The following DSCAM variants were observed in gnomAD, a reference collection of about 807,000 sequenced individuals.
DSCAM encodes DS cell adhesion molecule.
A neutral mutation model predicts 217.7 loss-of-function variants in DSCAM; 47 were observed. The ratio of observed to expected loss-of-function variants is 0.22; its 90% CI spans 0.17 to 0.28. The LOEUF (loss-of-function observed/expected upper bound fraction) is 0.28. Among genes scored for constraint, DSCAM ranks in the 10% least tolerant of loss-of-function variants. The probability of loss-of-function intolerance (pLI) is 1.00; values close to 1 mark genes in which losing one functional copy is unlikely to be tolerated. For missense variants in DSCAM, 2,080 were observed against 2,618.3 expected, an observed-to-expected ratio of 0.79 and a Z score of 4.49; for synonymous variants, 1,056 against 1,015.3, an observed-to-expected ratio of 1.04 and a Z score of -0.76.
chr21:40,365,155 T>C lies in DSCAM; in HGVS notation c.655+3944A>G, dbSNP rs1267987464. 2.8e-4 allele frequency among the ~76,000 whole-genome samples: 42 copies of C among 152,106 alleles called. 1 individual carries two copies. Among genetic ancestry groups the C allele is most frequent in the Non-Finnish European group, 1.5e-5 (1 of 67,994 alleles). On this transcript the variant is annotated intron_variant, in intron 4 of 32. Transcript: ENST00000400454. Reference sequence around the variant, plus strand: ...GGATGCAAAGTATTGTTCCTGGGTGTGTCTGTGAGGGTGTCACCAAAGGAG... The same window carrying C: ...GGATGCAAAGTATTGTTCCTGGGTGCGTCTGTGAGGGTGTCACCAAAGGAG...
chr21:40,789,155 A>C (rs2091617734), intron 1 of DSCAM, among the ~76,000 whole-genome samples: 1 of 152,144 alleles, frequency 6.6e-6, no homozygotes, highest in African/African-American at 2.4e-5. Context: ...AAGGGTGCCG[A>C]TAGAGCAGAG....
intron 3 of DSCAM, among the ~76,000 whole-genome samples, chr21:40,591,087 G>C (rs907338034): frequency 2.1e-5 from 3 of 144,308 alleles, no homozygotes; most frequent in Non-Finnish European, 4.6e-5. Context: ...TAGTGAAGGA[G>C]TTCTCACGAG....
intron 3 of DSCAM, among the ~76,000 whole-genome samples, chr21:40,653,998 GGGA>G (rs2090045252): frequency 6.6e-6 from 1 of 151,946 alleles, no homozygotes; most frequent in South Asian, 2.1e-4. Flanking sequence ...GGGAGGCTAA[GGGA>G]GGAGAATTGC....
intron 1 of DSCAM, among the ~76,000 whole-genome samples, chr21:40,715,148 G>A (rs1223948192): frequency 6.6e-6 from 1 of 152,186 alleles, no homozygotes; most frequent in African/African-American, 2.4e-5. Flanking sequence ...TGTTTTAGTA[G>A]CAGAAAATGA....
At chr21:40,300,787 A>C (rs887784592) in intron 9 of DSCAM, among the ~76,000 whole-genome samples, 1 of 152,146 alleles carries the variant, frequency 6.6e-6, no homozygotes. Flanking sequence ...CACATTGCTA[A>C]ACCTTGTCTC....
intron 14 of DSCAM, among the ~76,000 whole-genome samples, chr21:40,182,326 T>C (rs976502317): frequency 6.6e-6 from 1 of 151,960 alleles, no homozygotes; most frequent in Non-Finnish European, 1.5e-5. Flanking sequence ...CAGGGTGAAC[T>C]AGGGGTGGGA....
intron 1 of DSCAM, among the ~76,000 whole-genome samples, chr21:40,767,891 T>C (rs2091408443): frequency 6.6e-6 from 1 of 151,712 alleles, no homozygotes; most frequent in Non-Finnish European, 1.5e-5. Flanking sequence ...TCTCTCTTTC[T>C]CTCTCTCCCT....
chr21:40,736,591 G>GC (rs1272969121), intron 1 of DSCAM, among the ~76,000 whole-genome samples: 3 of 152,204 alleles, frequency 2.0e-5, no homozygotes, highest in Admixed American at 6.5e-5. Context: ...TTGGTGTGCA[G>GC]CCCCCCATCC....
chr21:40,055,207 C>T (rs2088994730), intron 29 of DSCAM, among the ~76,000 whole-genome samples: 1 of 152,112 alleles, frequency 6.6e-6, no homozygotes, highest in South Asian at 2.1e-4. Flanking sequence ...GGGGAAACAG[C>T]TGCAGGATGT....
intron 15 of DSCAM, among the ~76,000 whole-genome samples, chr21:40,168,990 T>C (rs1042190048): frequency 6.6e-6 from 1 of 152,280 alleles, no homozygotes; most frequent in Non-Finnish European, 1.5e-5. Context: ...GAAATCATAA[T>C]CATAATATAA....
chr21:40,650,956 G>A (rs904962789), intron 3 of DSCAM, among the ~76,000 whole-genome samples: 3 of 152,178 alleles, frequency 2.0e-5, no homozygotes, highest in African/African-American at 7.2e-5. Flanking sequence ...TGGAGAGTGG[G>A]TCAGGCAGGA....
intron 18 of DSCAM, among the ~76,000 whole-genome samples, chr21:40,137,643 ACATT>A: frequency 1.4e-5 from 1 of 69,970 alleles, no homozygotes; most frequent in African/African-American, 6.0e-5. Context: ...ACACACACAC[ACATT>A]AACTGAAGTG....
Position 40,323,311 on chromosome 21 carries a change from C to T in DSCAM, c.1784-10952G>A, listed in dbSNP as rs566860324. On this transcript the variant is annotated intron_variant, in intron 8 of 32. Coordinates refer to ENST00000400454, the MANE Select transcript of DSCAM (RefSeq NM_001389.5). ...CAACCACAATGGTTTGTTTCATCTA[C>T]AGCAAAAATGCATGCACCATTAATA... is the stretch of plus-strand genomic sequence containing the variant. 3.9e-5 allele frequency among the ~76,000 whole-genome samples: 6 copies of T among 152,270 alleles called. No homozygotes were observed. In the East Asian group the frequency reaches 1.2e-3, roughly 29 times the overall value.
chr21:40,308,811 T>G (rs1333958127), intron 9 of DSCAM, among the ~76,000 whole-genome samples: 2 of 152,216 alleles, frequency 1.3e-5, no homozygotes, highest in African/African-American at 4.8e-5. Context: ...TACTCTGTGA[T>G]GGTCCTATTA....
In DSCAM at chr21:40,338,361, C is replaced by T. The variant is rs779784450; in HGVS notation, c.1523G>A (p.Arg508Gln). The T allele has an allele frequency of 1.9e-6, 3 of 1,613,012 alleles. No homozygotes were observed. Among genetic ancestry groups the T allele is most frequent in the East Asian group, 2.2e-5 (1 of 44,838 alleles). ...RINVRGPASI[R>Q]PMKNITAIAG... ...TATTGCTGTGATGTTTTTCATTGGT[C>T]GAATGCTTGCAGGCCCTGGAGAGAC... is the stretch of plus-strand genomic sequence containing the variant. The change falls in exon 8 of 33, where the codon CGA becomes CAA. Residue 508 changes from arginine to glutamine, a missense_variant. Around this residue, in one of 5 missense-constraint regions of DSCAM, gnomAD observed 568 missense variants for 678.1 expected, o/e 0.84. Transcript: ENST00000400454.
chr21:40,079,796 T>C (rs949783048), intron 25 of DSCAM, among the ~76,000 whole-genome samples: 5 of 127,458 alleles, frequency 3.9e-5, no homozygotes, highest in African/African-American at 1.3e-4. Context: ...GTGGAAATGA[T>C]AGGAAGGTGG....
intron 2 of DSCAM, among the ~76,000 whole-genome samples, chr21:40,702,284 T>C (rs1160225584): frequency 6.6e-6 from 1 of 152,048 alleles, no homozygotes; most frequent in Non-Finnish European, 1.5e-5. Flanking sequence ...CAACATAGAG[T>C]GAAATTTAAT....
chr21:40,509,403 G>A (rs1409753321), intron 3 of DSCAM, among the ~76,000 whole-genome samples: 1 of 152,156 alleles, frequency 6.6e-6, no homozygotes, highest in Non-Finnish European at 1.5e-5. Flanking sequence ...GAGAAATAAC[G>A]GCTAGATCCT....
intron 1 of DSCAM, among the ~76,000 whole-genome samples, chr21:40,789,309 T>G (rs2091619160): frequency 6.6e-6 from 1 of 152,104 alleles, no homozygotes; most frequent in Non-Finnish European, 1.5e-5. Context: ...AACTTAAATT[T>G]TAATCTTTTG....
Sources: allele counts gnomAD v4.1 joint callset (sites outside exome capture counted in the v4.1 genomes callset), GRCh38; gene constraint gnomAD v4.1.1; regional missense constraint gnomAD v4.1.1; transcripts MANE v1.5; gene names NCBI Gene and HGNC (gene_info 2026-07-23, HGNC 2026-07-21).